The following GRK4 variants were observed in gnomAD, a reference collection of about 807,000 sequenced individuals.
GRK4 encodes G protein-coupled receptor kinase 2-like.
GRK4 carries 73 observed loss-of-function variants against 77.9 expected under a neutral mutation model. That is an observed-to-expected ratio of 0.94 (90% CI 0.78 to 1.14). The LOEUF (loss-of-function observed/expected upper bound fraction) is 1.14, where lower values mean the gene tolerates loss of function less well. GRK4 is among the 50% of genes most tolerant of loss of function. GRK4 has a pLI of 0.00. For synonymous variants in GRK4, 257 were observed against 254.4 expected (o/e 1.01, Z -0.10); for missense variants, 729 against 700.2 (o/e 1.04, Z -0.46).
At chr4:3,016,423 C>T (rs1734505419) in intron 8 of GRK4, among the ~76,000 whole-genome samples, 1 of 150,846 alleles carries the variant, frequency 6.6e-6, no homozygotes. Flanking sequence ...GTGGCTGAGA[C>T]AGGAGAATTG....
chr4:2,986,507 C>G (rs947516565), intron 2 of GRK4, among the ~76,000 whole-genome samples: 4 of 151,776 alleles, frequency 2.6e-5, no homozygotes, highest in Non-Finnish European at 4.4e-5. Context: ...AGGTGCCCAC[C>G]ACCACGCCCG....
chr4:3,015,047 T>C (rs538574806), intron 8 of GRK4, among the ~76,000 whole-genome samples: 10 of 152,184 alleles, frequency 6.6e-5, no homozygotes, highest in Non-Finnish European at 1.5e-4. Context: ...ATATCCCAAT[T>C]GTATGAAGCC....
chr4:3,030,346 C>T (rs1163161957), intron 12 of GRK4, among the ~76,000 whole-genome samples: 1 of 152,230 alleles, frequency 6.6e-6, no homozygotes, highest in East Asian at 1.9e-4. Context: ...GTTACCACCC[C>T]TCACTGCCCA....
chr4:2,992,835 T>A (rs904600762), intron 4 of GRK4, among the ~76,000 whole-genome samples: 14 of 150,056 alleles, frequency 9.3e-5, no homozygotes, highest in Non-Finnish European at 1.9e-4. Context: ...AAAAAAAAAA[T>A]TAGCTAAGCA....
At chr4:2,971,754 GA>G (rs1222382860) in intron 1 of GRK4, among the ~76,000 whole-genome samples, 2 of 152,232 alleles carry the variant, frequency 1.3e-5, no homozygotes, top group South Asian at 4.1e-4. Flanking sequence ...CTGTGAGGAA[GA>G]ATCTGTCGCA....
At chr4:3,027,534 C>T (rs989785074) in intron 10 of GRK4, among the ~76,000 whole-genome samples, 4 of 152,182 alleles carry the variant, frequency 2.6e-5, no homozygotes, top group Non-Finnish European at 5.9e-5. Context: ...AGTACTGGTA[C>T]TCTGACAGAA....
intron 1 of GRK4, among the ~76,000 whole-genome samples, chr4:2,970,386 A>G (rs1577934719): frequency 6.6e-6 from 1 of 152,140 alleles, no homozygotes; most frequent in Non-Finnish European, 1.5e-5. Context: ...TTGGCCAGGC[A>G]CGGTGGCTCA....
At chr4:3,013,561 T>C in intron 7 of GRK4, 127 bp from the exon 8 acceptor site, 1 of 1,101,104 alleles carries the variant, frequency 9.1e-7, no homozygotes, top group Admixed American at 2.3e-5. Context: ...TTTGAAACGG[T>C]CTCGGCTCCT....
intron 12 of GRK4, among the ~76,000 whole-genome samples, chr4:3,032,367 A>C (rs895046528): frequency 2.4e-4 from 36 of 151,870 alleles, no homozygotes; most frequent in African/African-American, 8.7e-4. Flanking sequence ...AATCCCAGGT[A>C]CTCGGAAGGC....
chr4:3,036,128 T>C (rs1203527621), intron 13 of GRK4, among the ~76,000 whole-genome samples: 1 of 152,224 alleles, frequency 6.6e-6, no homozygotes, highest in Non-Finnish European at 1.5e-5. Context: ...GCCACCCGTG[T>C]CCCCTTTCTG....
chr4:2,977,371 C>T (rs1721532834), intron 1 of GRK4, among the ~76,000 whole-genome samples: 1 of 152,192 alleles, frequency 6.6e-6, no homozygotes, highest in South Asian at 2.1e-4. Flanking sequence ...AAATGTGTTG[C>T]TGCTACTGAA....
At chr4:3,012,244 C>T (rs1359616481) in intron 7 of GRK4, among the ~76,000 whole-genome samples, 1 of 152,102 alleles carries the variant, frequency 6.6e-6, no homozygotes, top group Non-Finnish European at 1.5e-5. Context: ...TTGGGATAGT[C>T]ACATTTTAGG....
rs778692636 is a variant in GRK4 at position 2,988,761 on chromosome 4, G to T, written c.183G>T (p.Pro61=). 1.2e-6 allele frequency: 2 copies of T among 1,612,398 alleles called. No individual in the cohort carries two copies. The highest frequency in any genetic ancestry group is 2.7e-5 in the African/African-American group (2 of 74,844). The part of the protein sequence containing the change: ...KDYSSLCDKQ[P]IGRRLFRQFC... ...ATAGCAGTCTTTGTGACAAGCAACC[G>T]ATAGGAAGACGTCTCTTCAGGCAGT... Residue 61 remains proline (P), a synonymous_variant, in exon 3 of 16, where the codon CCG becomes CCT. Transcript: ENST00000398052.
intron 2 of GRK4, among the ~76,000 whole-genome samples, chr4:2,986,354 C>CTT (rs36001597): frequency 3.6e-3 from 263 of 73,252 alleles, no homozygotes; most frequent in East Asian, 7.4e-3. Context: ...AAGGTGTTAT[C>CTT]TTTTTTTTTT....
chr4:3,005,792 C>A (rs562289283), intron 5 of GRK4, among the ~76,000 whole-genome samples: 1 of 151,666 alleles, frequency 6.6e-6, no homozygotes, highest in Non-Finnish European at 1.5e-5. Flanking sequence ...GGCAACACAG[C>A]GAGACTCTGT....
At chr4:2,981,254 G>C (rs1002235013) in intron 1 of GRK4, among the ~76,000 whole-genome samples, 3 of 152,200 alleles carry the variant, frequency 2.0e-5, no homozygotes, top group African/African-American at 7.2e-5. Context: ...TGAGTTGGGG[G>C]GTGTGCTTCA....
intron 8 of GRK4, among the ~76,000 whole-genome samples, chr4:3,018,508 A>G (rs540515428): frequency 6.6e-6 from 1 of 152,256 alleles, no homozygotes; most frequent in Non-Finnish European, 1.5e-5. Context: ...GTCTCTTAAA[A>G]AATAACTCTA....
At chr4:3,038,552 G>GAAAA in intron 15 of GRK4, 39 bp downstream of exon 15, 15 of 1,344,546 alleles carry the variant, frequency 1.1e-5, no homozygotes, top group South Asian at 1.4e-5. Flanking sequence ...GTGTGTATGT[G>GAAAA]AAAAAAAAAA....
At chr4:3,020,877 T>G (rs995774606) in intron 9 of GRK4, among the ~76,000 whole-genome samples, 2 of 152,258 alleles carry the variant, frequency 1.3e-5, no homozygotes, top group South Asian at 4.1e-4. Flanking sequence ...TTGTCACTAT[T>G]CCCTAAACAA....
Sources: allele counts gnomAD v4.1 joint callset (sites outside exome capture counted in the v4.1 genomes callset), GRCh38; gene constraint gnomAD v4.1.1; transcripts MANE v1.5; gene names NCBI Gene and HGNC (gene_info 2026-07-23, HGNC 2026-07-21).